SFSWAP: variants seen among roughly 807,000 people sequenced by gnomAD.
SFSWAP encodes splicing factor, suppressor of white-apricot homolog.
SFSWAP carries 17 observed loss-of-function variants against 100.7 expected under a neutral mutation model. The observed-to-expected ratio is 0.17, with a 90% CI of 0.12 to 0.25. The LOEUF (loss-of-function observed/expected upper bound fraction) is 0.25, where lower values mean the gene tolerates loss of function less well. SFSWAP is among the 10% of genes least tolerant of loss of function. The pLI is 1.00. For synonymous variants in SFSWAP, 504 were observed against 510.1 expected (o/e 0.99, Z 0.16); for missense variants, 1,005 against 1,262.6 (o/e 0.80, Z 3.09).
At chr12:131,792,888 A>G (rs935257564) in intron 15 of SFSWAP, among the ~76,000 whole-genome samples, 5 of 152,158 alleles carry the variant, frequency 3.3e-5, no homozygotes, top group East Asian at 3.9e-4. Flanking sequence ...GACCTGGGAG[A>G]CCCAAAACAA....
chr12:131,795,969 G>A (rs1377998548), intron 15 of SFSWAP: 12 of 122,094 alleles, frequency 9.8e-5, no homozygotes, highest in African/African-American at 3.3e-4. Context: ...CAGGACGGGA[G>A]GGGAGGGATA....
At chr12:131,718,783 G>A (rs1282578538) in intron 3 of SFSWAP, among the ~76,000 whole-genome samples, 2 of 152,198 alleles carry the variant, frequency 1.3e-5, no homozygotes, top group African/African-American at 4.8e-5. Context: ...AAGAGCAGCG[G>A]AGGGGAAAAG....
At position 131,799,039 on chromosome 12, in the gene SFSWAP, G is replaced by T. The variant is rs930992155; in HGVS notation, c.2720G>T (p.Gly907Val). 3.1e-6 allele frequency: 5 copies of T among 1,612,002 alleles called. No individual in the cohort carries two copies. Among genetic ancestry groups the T allele is most frequent in the African/African-American group, 2.7e-5 (2 of 74,882 alleles). The change falls in exon 17 of 18, where the codon GGA (glycine) becomes GTA (valine). Residue 907 changes from glycine (G) to valine (V), a missense_variant and splice_region_variant. Physicochemically the swap from Gly to Val is moderately radical, Grantham distance 109. Coordinates refer to ENST00000261674, the MANE Select transcript of SFSWAP (RefSeq NM_004592.4). ...SRGSSQERSR[G>V]VSQEKEAQIS... ...TGCTCTCTCTCTCTCTGCATTAGGG[G>T]AGTCTCTCAGGAAAAAGAAGCCCAG...
rs1281617917 is a variant in SFSWAP at position 131,755,454 on chromosome 12, A to G, written c.1523A>G (p.Gln508Arg). The change falls in exon 10 of 18, where the codon CAG becomes CGG. Residue 508 changes from glutamine to arginine, a missense_variant. By Grantham distance (43) the Gln-to-Arg change is conservative. This residue lies in a region of SFSWAP where 311 missense variants were observed against 317.8 expected (regional missense o/e 0.98). Transcript: ENST00000261674. ...GAGTTTAAGAAGCAGTTCTTCCTCCAGAAAGAAGGGGGCGATAGCATGCAG... is the reference window on the plus strand; with the variant it reads ...GAGTTTAAGAAGCAGTTCTTCCTCCGGAAAGAAGGGGGCGATAGCATGCAG... ...YYEFKKQFFL[Q>R]KEGGDSMQAV... The G allele has an allele frequency of 1.2e-6, 2 of 1,613,642 alleles. No individual in the cohort carries two copies. Among genetic ancestry groups the G allele is most frequent in the East Asian group, 2.2e-5 (1 of 44,896 alleles).
At chr12:131,722,917 C>G (rs117592962) in intron 4 of SFSWAP, among the ~76,000 whole-genome samples, 3,344 of 152,194 alleles carry the variant, frequency 0.022, 63 homozygotes, top group Middle Eastern at 0.037. Flanking sequence ...CTGCTGCACT[C>G]CAGCCTAGAC....
At chr12:131,756,698 G>A (rs534246922) in intron 11 of SFSWAP, 54 bp downstream of exon 11, 46 of 1,466,730 alleles carry the variant, frequency 3.1e-5, no homozygotes, top group South Asian at 6.8e-5. Context: ...GTTGGCAAGC[G>A]TAGGATCCTC....
At chr12:131,738,882 A>ATTATTTTTTTTTTTTTTTTTTT (rs1555243205) in intron 7 of SFSWAP, among the ~76,000 whole-genome samples, 1 of 40,184 alleles carries the variant, frequency 2.5e-5, no homozygotes, top group Non-Finnish European at 7.6e-5. Flanking sequence ...AATGAACATT[A>ATTATTTTTTTTTTTTTTTTTTT]TTCTTTTTTT....
chr12:131,765,680 C>T (rs1883060006), intron 12 of SFSWAP, among the ~76,000 whole-genome samples: 2 of 151,958 alleles, frequency 1.3e-5, no homozygotes, highest in East Asian at 3.9e-4. Context: ...ATTTTTCAAC[C>T]ACAATCCACC....
intron 16 of SFSWAP, among the ~76,000 whole-genome samples, chr12:131,797,967 G>A (rs1010724797): frequency 4.3e-4 from 66 of 152,322 alleles, no homozygotes; most frequent in African/African-American, 1.4e-3. Flanking sequence ...GGAGTAACGC[G>A]CAACTGTTCC....
chr12:131,754,398 C>A lies in SFSWAP; in HGVS notation c.1353C>A (p.Pro451=). The A allele has an allele frequency of 6.3e-7, 1 of 1,595,214 alleles. No individual in the cohort carries two copies. The highest frequency in any genetic ancestry group is 1.1e-5 in the South Asian group (1 of 88,626). Residue 451 remains proline (P), a synonymous_variant, in exon 9 of 18, where the codon CCC becomes CCA. Coordinates refer to ENST00000261674, the MANE Select transcript of SFSWAP (RefSeq NM_004592.4). The part of the protein sequence containing the change: ...SALAPVAAII[P]PPPDVQPVID... The stretch of plus-strand genomic sequence containing the variant: ...TTGCCCCCGTGGCCGCCATCATCCC[C>A]CCGCCCCCCGACGTCCAGCCCGTGA...
In SFSWAP at chr12:131,794,337, C is replaced by CTT. The variant is rs35416334; in HGVS notation, c.2535-2829_2535-2828dup. 3.8e-5 allele frequency among the ~76,000 whole-genome samples: 5 copies of CTT among 132,150 alleles called. No homozygotes were observed. The highest frequency in any genetic ancestry group is 8.1e-5 in the Non-Finnish European group (5 of 61,688). The allele number at this position is 132,150 out of a possible 152,430, so 86.7% of individuals were successfully genotyped here. The stretch of plus-strand genomic sequence containing the variant: ...ATTGCTTGAGCCCAGGATTTGCAGG[C>CTT]TTTTTTTTTTTTTGGTAGAGACCCC... On this transcript the variant is annotated intron_variant, in intron 15 of 17. Transcript: ENST00000261674. This position sits in a 1 kb window ranked among gnomAD's most constrained non-coding sequence, Gnocchi z 4.8.
chr12:131,774,976 T>C (rs898678522), intron 13 of SFSWAP, among the ~76,000 whole-genome samples: 9 of 152,126 alleles, frequency 5.9e-5, no homozygotes, highest in African/African-American at 2.2e-4. Context: ...GAAATATGAA[T>C]AGAAACTCAG....
chr12:131,753,503 TC>T, intron 8 of SFSWAP, 140 bp downstream of exon 8: 2 of 1,137,704 alleles, frequency 1.8e-6, no homozygotes, highest in Non-Finnish European at 1.2e-6. Context: ...TTATTCCAAA[TC>T]CCCAAGTTAC....
intron 3 of SFSWAP, among the ~76,000 whole-genome samples, chr12:131,716,077 CCTGTGACTGCA>C (rs1467321260): frequency 6.6e-6 from 1 of 152,190 alleles, no homozygotes; most frequent in Non-Finnish European, 1.5e-5. Context: ...GCCCTTCCAT[CCTGTGACTGCA>C]CTATGGTTCT....
chr12:131,743,516 C>T (rs559950421), intron 7 of SFSWAP, among the ~76,000 whole-genome samples: 2 of 152,364 alleles, frequency 1.3e-5, no homozygotes, highest in East Asian at 1.9e-4. Flanking sequence ...ATCCAGGTCA[C>T]GCTGATGCAA....
chr12:131,770,153 A>AAAGT (rs1883470232), intron 13 of SFSWAP, among the ~76,000 whole-genome samples: 2 of 152,248 alleles, frequency 1.3e-5, no homozygotes, highest in African/African-American at 4.8e-5. Context: ...AACTTCTGGG[A>AAAGT]CAGGTTACCC....
chr12:131,714,676 T>C lies in SFSWAP; in HGVS notation c.389-146T>C. On this transcript the variant is annotated intron_variant, in intron 2 of 17. Transcript: ENST00000261674. This position sits in a 1 kb window ranked among gnomAD's most constrained non-coding sequence, Gnocchi z 6.0. ...AAAGTACATAATGATAGATATAAAG[T>C]GTGAATTTTTAAAACTATTTTACCT... is the stretch of plus-strand genomic sequence containing the variant. The C allele has an allele frequency of 1.5e-6, 1 of 680,478 alleles. No homozygotes were observed. Among genetic ancestry groups the C allele is most frequent in the East Asian group, 2.7e-5 (1 of 36,406 alleles). The allele number at this position is 680,478 out of a possible 1,614,324, so 42.2% of individuals were successfully genotyped here. A position where few individuals can be genotyped will look rare whatever the true frequency, so the allele number is the denominator to read the frequency against.
intron 3 of SFSWAP, among the ~76,000 whole-genome samples, chr12:131,716,483 A>G (rs888677204): frequency 6.6e-6 from 1 of 152,322 alleles, no homozygotes; most frequent in Non-Finnish European, 1.5e-5. Context: ...AGCCACACAC[A>G]TGAGTTCAGC....
rs1884210824 is a variant in SFSWAP at position 131,778,576 on chromosome 12, G to A, written c.2408+246G>A. Among the ~76,000 whole-genome samples the A allele has an allele frequency of 6.6e-6, 1 of 152,178 alleles. No homozygotes were observed. Among genetic ancestry groups the A allele is most frequent in the Non-Finnish European group, 1.5e-5 (1 of 68,032 alleles). On this transcript the variant is annotated intron_variant, in intron 14 of 17. Transcript: ENST00000261674. The surrounding 1 kb of genome is among the most constrained non-coding windows in gnomAD (Gnocchi z 4.2). ...CTTGTTGCCCAGGCTAGAGTGCAGT[G>A]GTGCGATCTTGGCTCACTGCAACCT...
Sources: gnomAD v4.1 joint callset for allele counts (sites outside exome capture counted in the v4.1 genomes callset) on GRCh38, gnomAD v4.1.1 for gene constraint, gnomAD v4.1.1 regional missense constraint, Gnocchi (gnomAD v3.1) non-coding constraint, MANE v1.5 for transcripts, NCBI Gene and HGNC (gene_info 2026-07-23, HGNC 2026-07-21) for gene names.